Variants in BAHCC1 observed in about 807,000 individuals in gnomAD.
The protein encoded by BAHCC1 is BAH and coiled-coil domain-containing protein 1.
A neutral mutation model predicts 88.2 loss-of-function variants in BAHCC1; 43 were observed. That is an observed-to-expected ratio of 0.49 (90% CI 0.38 to 0.63). The LOEUF (loss-of-function observed/expected upper bound fraction) is 0.63, where lower values mean the gene tolerates loss of function less well. BAHCC1 is among the 20% of genes least tolerant of loss of function. BAHCC1 has a pLI of 0.00. For synonymous variants in BAHCC1, 1,510 were observed against 745.5 expected (o/e 2.03, Z -16.71); for missense variants, 3,023 against 1,654.8 (o/e 1.83, Z -14.34).
chr17:81,463,297 C>T (rs1162023773), intron 27 of BAHCC1, among the ~76,000 whole-genome samples: 3 of 152,346 alleles, frequency 2.0e-5, no homozygotes, highest in South Asian at 2.1e-4. Context: ...ACAGAAATTG[C>T]ACTCAGCACA....
intron 2 of BAHCC1, among the ~76,000 whole-genome samples, chr17:81,418,798 T>TGTGTGTGTGCGCGCGC (rs1555649115): frequency 1.5e-5 from 1 of 66,242 alleles, no homozygotes; most frequent in African/African-American, 6.0e-5. Context: ...CGTGTGTGCG[T>TGTGTGTGTGCGCGCGC]GTGTGTGTGT....
At chr17:81,401,242 T>A (rs1203702989) in intron 2 of BAHCC1, 1 of 152,660 alleles carries the variant, frequency 6.6e-6, no homozygotes, top group African/African-American at 2.4e-5. Context: ...GCTTCCAGCA[T>A]TTGCAGCGCC....
chr17:81,462,741 G>T lies in BAHCC1; in HGVS notation c.7385G>T (p.Arg2462Leu). The T allele has an allele frequency of 1.3e-6, 1 of 753,256 alleles. No homozygotes were observed. Among genetic ancestry groups the T allele is most frequent in the South Asian group, 1.4e-5 (1 of 70,178 alleles). The allele number at this position is 753,256 out of a possible 1,614,324, so 46.7% of individuals were successfully genotyped here. A position where few individuals can be genotyped will look rare whatever the true frequency, so the allele number is the denominator to read the frequency against. The change falls in exon 27 of 28, where the codon CGG (arginine) becomes CTG (leucine). Residue 2462 changes from arginine (R) to leucine (L), a missense_variant and splice_region_variant. Transcript: ENST00000675386. ...LWKWSGNPTQ[R>L]RGMKGKARKL... Reference sequence around the variant, plus strand: ...CCACCCTGCCCATGTCCCCCACAGCGGCGTGGCATGAAGGGGAAGGCCCGG... The same window carrying T: ...CCACCCTGCCCATGTCCCCCACAGCTGCGTGGCATGAAGGGGAAGGCCCGG...
intron 3 of BAHCC1, among the ~76,000 whole-genome samples, chr17:81,433,212 T>A (rs775886204): frequency 2.0e-5 from 3 of 151,920 alleles, no homozygotes; most frequent in African/African-American, 4.8e-5. Context: ...TCTCTTGCTG[T>A]GCCGCCCCGC....
chr17:81,416,230 G>C lies in BAHCC1; in HGVS notation c.179-10570G>C, dbSNP rs369071586. Among the ~76,000 whole-genome samples, 30 of 151,058 alleles carry C rather than the reference G, an allele frequency of 2.0e-4. No homozygotes were observed. The East Asian group carries it at 5.3e-3, about 27-fold the overall frequency. Reference sequence around the variant, plus strand: ...TGTGTACGTGTATGTGTGTCCATGAGGGTGGGTGTATGCGTGTGTGTACGT... The same window carrying C: ...TGTGTACGTGTATGTGTGTCCATGACGGTGGGTGTATGCGTGTGTGTACGT... On this transcript the variant is annotated intron_variant, in intron 2 of 27. Coordinates refer to ENST00000675386, the MANE Select transcript of BAHCC1 (RefSeq NM_001377448.1).
intron 4 of BAHCC1, 116 bp downstream of exon 4, chr17:81,438,608 TCATC>T: frequency 1.5e-6 from 1 of 669,864 alleles, no homozygotes; most frequent in Non-Finnish European, 2.8e-6. Flanking sequence ...CCACCAGGTG[TCATC>T]GAGGCCAGGG....
chr17:81,448,956 G>A (rs189976161), intron 11 of BAHCC1, among the ~76,000 whole-genome samples: 4 of 152,330 alleles, frequency 2.6e-5, no homozygotes, highest in Admixed American at 2.0e-4. Context: ...CCTTGGGGCA[G>A]GGCCTGAGCT....
chr17:81,429,549 T>C (rs1343282733), intron 3 of BAHCC1, among the ~76,000 whole-genome samples: 1 of 151,126 alleles, frequency 6.6e-6, no homozygotes, highest in Non-Finnish European at 1.5e-5. Context: ...GGGTGCCAGC[T>C]GGCTCCCCGT....
At position 81,464,623 on chromosome 17, in the gene BAHCC1, C is replaced by T. The variant is rs574367151; in HGVS notation, c.*806C>T. 5.2e-5 allele frequency: 8 copies of T among 152,582 alleles called. No individual in the cohort carries two copies. Among genetic ancestry groups the T allele is most frequent in the Admixed American group, 6.5e-5 (1 of 15,306 alleles). The allele number at this position is 152,582 out of a possible 1,614,324, so 9.5% of individuals were successfully genotyped here. A position where few individuals can be genotyped will look rare whatever the true frequency, so the allele number is the denominator to read the frequency against. On this transcript the variant is annotated 3_prime_UTR_variant, in exon 28 of 28. Transcript: ENST00000675386. ...CCAGACCAGGGAGTGTGACAACAGC[C>T]GTGAGCATCTCACCTGTGTTCAAAA...
intron 3 of BAHCC1, among the ~76,000 whole-genome samples, chr17:81,436,646 G>A (rs2064341415): frequency 6.8e-6 from 1 of 146,806 alleles, no homozygotes; most frequent in Non-Finnish European, 1.5e-5. Flanking sequence ...GAATCTTCCA[G>A]GATTGGAGTT....
chr17:81,425,826 G>A (rs1411602343), intron 2 of BAHCC1, among the ~76,000 whole-genome samples: 1 of 145,852 alleles, frequency 6.9e-6, no homozygotes, highest in Non-Finnish European at 1.5e-5. Flanking sequence ...GGTGGGTAAT[G>A]TGGTTGGTGA....
chr17:81,461,856 C>G lies in BAHCC1; in HGVS notation c.7193C>G (p.Ala2398Gly), dbSNP rs1555659582. The G allele has an allele frequency of 2.8e-6, 2 of 721,310 alleles. No homozygotes were observed. Among genetic ancestry groups the G allele is most frequent in the Non-Finnish European group, 5.2e-6 (2 of 387,622 alleles). The allele number at this position is 721,310 out of a possible 1,614,324, so 44.7% of individuals were successfully genotyped here. A position where few individuals can be genotyped will look rare whatever the true frequency, so the allele number is the denominator to read the frequency against. Reference sequence around the variant, plus strand: ...TGCTTCCTGTCCAGGGCCACGGTGGCTGGCACCGGTGCGGGCTCAGGCCCC... The same window carrying G: ...TGCTTCCTGTCCAGGGCCACGGTGGGTGGCACCGGTGCGGGCTCAGGCCCC... ...QRCFLSRATV[A>G]GTGAGSGPSS... Residue 2398 changes from alanine to glycine, a missense_variant, in exon 26 of 28, where the codon GCT (alanine) becomes GGT (glycine). By Grantham distance (60) the Ala-to-Gly change is moderately conservative. Transcript: ENST00000675386.
At chr17:81,453,956 C>G (rs891364290) in intron 14 of BAHCC1, among the ~76,000 whole-genome samples, 32 of 152,368 alleles carry the variant, frequency 2.1e-4, no homozygotes, top group African/African-American at 7.7e-4. Flanking sequence ...CCTCAGAAGC[C>G]CAGCCTCCTC....
rs1195436437 is a variant in BAHCC1, at chr17:81,466,255, CTATG to C, written c.*2441_*2444del. ...ACAAAGGTTTTATGAACAGCAGACT[CTATG>C]TAAAGGCATTTTAGTATCAAATTTT... On this transcript the variant is annotated 3_prime_UTR_variant, in exon 28 of 28. Coordinates refer to ENST00000675386, the MANE Select transcript of BAHCC1 (RefSeq NM_001377448.1). The C allele has an allele frequency of 8.5e-5, 13 of 152,550 alleles. No individual in the cohort carries two copies. The highest frequency in any genetic ancestry group is 2.9e-4 in the African/African-American group (12 of 41,468). 9.4% of individuals were successfully genotyped at this position (152,550 alleles called of 1,614,324 possible).
chr17:81,415,153 C>T (rs1437902840), intron 2 of BAHCC1, among the ~76,000 whole-genome samples: 6 of 152,230 alleles, frequency 3.9e-5, no homozygotes, highest in Non-Finnish European at 8.8e-5. Context: ...GGCACCTGGC[C>T]GTGTGACCCC....
At chr17:81,462,565 A>G (rs1364981235) in intron 26 of BAHCC1, 175 bp from the exon 27 acceptor site, 19 of 583,858 alleles carry the variant, frequency 3.3e-5, no homozygotes, top group African/African-American at 5.6e-5. Context: ...CTCCAGATCC[A>G]TGGCTGCCAT....
intron 2 of BAHCC1, among the ~76,000 whole-genome samples, chr17:81,425,793 G>A (rs1272619614): frequency 1.5e-5 from 2 of 137,722 alleles, no homozygotes; most frequent in Non-Finnish European, 3.1e-5. Context: ...ATGTGGTTGA[G>A]GGTGATGGTG....
rs782050756 is a variant in BAHCC1, at chr17:81,443,262, A to T, written c.1913A>T (p.Lys638Ile). 23 of 779,370 alleles carry T rather than the reference A, an allele frequency of 3.0e-5. No homozygotes were observed. Among genetic ancestry groups the T allele is most frequent in the Non-Finnish European group, 5.0e-5 (21 of 417,898 alleles). 48.3% of individuals were successfully genotyped at this position (779,370 alleles called of 1,614,324 possible). A position where few individuals can be genotyped will look rare whatever the true frequency, so the allele number is the denominator to read the frequency against. Residue 638 changes from lysine (K) to isoleucine (I), a missense_variant, in exon 5 of 28, where the codon AAA becomes ATA. By Grantham distance (102) the Lys-to-Ile change is moderately radical. Coordinates refer to ENST00000675386, the MANE Select transcript of BAHCC1 (RefSeq NM_001377448.1). ...DEVSAMKNLL[K>I]YSSQALVVGQ... is the part of the protein sequence containing the mutation. ...GTCTCAGCCATGAAGAACCTGCTCAAATACAGCAGCCAGGCCCTGGTGGTG... is the reference window on the plus strand; with the variant it reads ...GTCTCAGCCATGAAGAACCTGCTCATATACAGCAGCCAGGCCCTGGTGGTG...
chr17:81,403,841 G>T (rs1353196462), intron 2 of BAHCC1, among the ~76,000 whole-genome samples: 1 of 152,094 alleles, frequency 6.6e-6, no homozygotes, highest in Non-Finnish European at 1.5e-5. Flanking sequence ...GACCGGCGGC[G>T]GTGGCCCGCC....
Sources: allele counts gnomAD v4.1 joint callset (sites outside exome capture counted in the v4.1 genomes callset), GRCh38; gene constraint gnomAD v4.1.1; transcripts MANE v1.5; gene names NCBI Gene and HGNC (gene_info 2026-07-23, HGNC 2026-07-21).